KCNJ6: variants seen among roughly 807,000 people sequenced by gnomAD.
KCNJ6 encodes potassium inwardly rectifying channel subfamily J member 6.
A neutral mutation model predicts 34.2 loss-of-function variants in KCNJ6; 9 were observed. The ratio of observed to expected loss-of-function variants is 0.26; its 90% CI spans 0.16 to 0.46. KCNJ6 has a LOEUF of 0.46. KCNJ6 is among the 20% of genes least tolerant of loss of function. KCNJ6 has a pLI of 1.00. For synonymous variants in KCNJ6, 196 were observed against 207.1 expected (o/e 0.95, Z 0.46); for missense variants, 236 against 531.3 (o/e 0.44, Z 5.46).
chr21:37,655,106 G>A (rs926543855), intron 3 of KCNJ6, among the ~76,000 whole-genome samples: 1 of 151,842 alleles, frequency 6.6e-6, no homozygotes, highest in East Asian at 1.9e-4. Context: ...CATCATTTGA[G>A]TTCCTGGGTC....
intron 2 of KCNJ6, among the ~76,000 whole-genome samples, chr21:37,740,158 G>GC (rs2054933420): frequency 6.6e-6 from 1 of 152,118 alleles, no homozygotes; most frequent in Non-Finnish European, 1.5e-5. Flanking sequence ...AAATTTGAAC[G>GC]CCCCCCAACC....
intron 2 of KCNJ6, among the ~76,000 whole-genome samples, chr21:37,837,370 T>C (rs2055457143): frequency 6.6e-6 from 1 of 152,230 alleles, no homozygotes; most frequent in African/African-American, 2.4e-5. Flanking sequence ...TAATCAAACA[T>C]TTAAAATCTA....
chr21:37,883,988 A>T (rs1237943477), intron 1 of KCNJ6, among the ~76,000 whole-genome samples: 1 of 152,094 alleles, frequency 6.6e-6, no homozygotes, highest in Non-Finnish European at 1.5e-5. Context: ...ATGCTCGTCC[A>T]CTCACCTGTT....
At chr21:37,885,381 TG>T (rs2055730269) in intron 1 of KCNJ6, among the ~76,000 whole-genome samples, 1 of 151,948 alleles carries the variant, frequency 6.6e-6, no homozygotes, top group Admixed American at 6.5e-5. Flanking sequence ...CCTTGCTGCT[TG>T]GGGGACACAC....
chr21:37,775,434 G>A (rs1264486977), intron 2 of KCNJ6, among the ~76,000 whole-genome samples: 1 of 152,206 alleles, frequency 6.6e-6, no homozygotes, highest in Non-Finnish European at 1.5e-5. Context: ...CCATGCCTAT[G>A]TCCTGAATGG....
In KCNJ6 at chr21:37,854,394, CA is replaced by C. The variant is rs1332412134; in HGVS notation, c.-27-13686del. Among the ~76,000 whole-genome samples the C allele has an allele frequency of 2.0e-5, 3 of 151,864 alleles. No individual in the cohort carries two copies. In the East Asian group the frequency reaches 5.8e-4, roughly 29 times the overall value. Reference sequence around the variant, plus strand: ...GAATATTACGTTAAGTGAAGTAAGCCAGGCGCAGAAAGAAAAATATATGTCC... The same window carrying C: ...GAATATTACGTTAAGTGAAGTAAGCCGGCGCAGAAAGAAAAATATATGTCC... On this transcript the variant is annotated intron_variant, in intron 1 of 3. Transcript: ENST00000609713.
At chr21:37,797,628 A>G (rs1274083147) in intron 2 of KCNJ6, among the ~76,000 whole-genome samples, 1 of 151,728 alleles carries the variant, frequency 6.6e-6, no homozygotes, top group African/African-American at 2.4e-5. Context: ...TAACCAGTCT[A>G]CCACCTACAA....
Position 37,863,846 on chromosome 21 carries a change from G to GTTTTTTTTTTTTTTTTTTTTTTTTTT in KCNJ6, c.-27-23138_-27-23137insAAAAAAAAAAAAAAAAAAAAAAAAAA, listed in dbSNP as rs772060420. On this transcript the variant is annotated intron_variant, in intron 1 of 3. Transcript: ENST00000609713. ...CTTTAAGCAATTTTAAAATATAAAG[G>GTTTTTTTTTTTTTTTTTTTTTTTTTT]TTTTTTTTTTTTTGTTTTTTTTTTT... is the stretch of plus-strand genomic sequence containing the variant. 9.3e-5 allele frequency among the ~76,000 whole-genome samples: 9 copies of GTTTTTTTTTTTTTTTTTTTTTTTTTT among 97,040 alleles called. 1 individual carries two copies. The highest frequency in any genetic ancestry group is 1.7e-4 in the African/African-American group (4 of 23,042). 63.7% of individuals were successfully genotyped at this position (97,040 alleles called of 152,430 possible). A position where few individuals can be genotyped will look rare whatever the true frequency, so the allele number is the denominator to read the frequency against.
At chr21:37,739,727 A>G (rs185960179) in intron 2 of KCNJ6, among the ~76,000 whole-genome samples, 4 of 152,232 alleles carry the variant, frequency 2.6e-5, no homozygotes, top group Admixed American at 2.0e-4. Context: ...TGACATTGAC[A>G]GTATCTTATG....
intron 1 of KCNJ6, among the ~76,000 whole-genome samples, chr21:37,870,634 A>C (rs1277324842): frequency 2.7e-5 from 4 of 150,418 alleles, no homozygotes; most frequent in African/African-American, 9.8e-5. Flanking sequence ...GAAGGCATTT[A>C]AAACCAACTG....
At chr21:37,804,575 C>T (rs1325265259) in intron 2 of KCNJ6, among the ~76,000 whole-genome samples, 1 of 152,138 alleles carries the variant, frequency 6.6e-6, no homozygotes, top group African/African-American at 2.4e-5. Flanking sequence ...TCCCTCCTCC[C>T]ATCCTCCACC....
At chr21:37,914,768 A>G (rs1373127345) in intron 1 of KCNJ6, among the ~76,000 whole-genome samples, 2 of 152,146 alleles carry the variant, frequency 1.3e-5, no homozygotes, top group Admixed American at 6.5e-5. Context: ...CAGCAAAAGA[A>G]AGGCAGGCAG....
intron 3 of KCNJ6, among the ~76,000 whole-genome samples, chr21:37,704,364 A>G (rs1346490367): frequency 6.6e-6 from 1 of 152,318 alleles, no homozygotes; most frequent in East Asian, 1.9e-4. Flanking sequence ...CCTGCTTTTT[A>G]TCACTACTTT....
intron 2 of KCNJ6, among the ~76,000 whole-genome samples, chr21:37,733,403 G>T (rs1053709097): frequency 2.0e-5 from 3 of 152,112 alleles, no homozygotes; most frequent in African/African-American, 7.2e-5. Context: ...TCGGAGATGG[G>T]CATTTCCTTT....
At chr21:37,745,420 G>A (rs1320896735) in intron 2 of KCNJ6, among the ~76,000 whole-genome samples, 1 of 152,082 alleles carries the variant, frequency 6.6e-6, no homozygotes, top group Non-Finnish European at 1.5e-5. Flanking sequence ...ATCATGCCTG[G>A]CCATGGTTGC....
intron 2 of KCNJ6, among the ~76,000 whole-genome samples, chr21:37,818,404 A>T (rs2055357985): frequency 6.6e-6 from 1 of 152,138 alleles, no homozygotes; most frequent in Non-Finnish European, 1.5e-5. Flanking sequence ...ACTTAATAGA[A>T]CTCACAACAT....
intron 2 of KCNJ6, among the ~76,000 whole-genome samples, chr21:37,809,088 C>A (rs1402644213): frequency 1.3e-5 from 2 of 152,126 alleles, no homozygotes; most frequent in African/African-American, 4.8e-5. Flanking sequence ...ATGTTTATTG[C>A]GGCACTATTC....
At chr21:37,769,443 T>TTATTATTAC (rs1191708133) in intron 2 of KCNJ6, among the ~76,000 whole-genome samples, 6 of 146,162 alleles carry the variant, frequency 4.1e-5, no homozygotes, top group African/African-American at 1.5e-4. Flanking sequence ...ATTATTATTA[T>TTATTATTAC]TACTATATTT....
intron 2 of KCNJ6, among the ~76,000 whole-genome samples, chr21:37,804,769 T>A (rs990968270): frequency 3.3e-5 from 5 of 152,220 alleles, no homozygotes; most frequent in Non-Finnish European, 7.3e-5. Flanking sequence ...TTTTTATGGC[T>A]TTATAGTATT....
Sources: gnomAD v4.1 joint callset for allele counts (sites outside exome capture counted in the v4.1 genomes callset) on GRCh38, gnomAD v4.1.1 for gene constraint, MANE v1.5 for transcripts, NCBI Gene and HGNC (gene_info 2026-07-23, HGNC 2026-07-21) for gene names.